The following CAST variants were observed in gnomAD, a reference collection of about 807,000 sequenced individuals.
CAST encodes the protein calpastatin.
CAST carries 76 observed loss-of-function variants against 119.6 expected under a neutral mutation model. The ratio of observed to expected loss-of-function variants is 0.64; its 90% CI spans 0.53 to 0.77. The LOEUF (loss-of-function observed/expected upper bound fraction) is 0.77. Ranked by LOEUF, CAST falls within the 30% of genes least tolerant of loss-of-function variation. The pLI, the probability that CAST is intolerant of heterozygous loss-of-function variation, is 0.00. For synonymous variants in CAST, 319 were observed against 331.6 expected, an observed-to-expected ratio of 0.96 and a Z score of 0.41; for missense variants, 953 against 946.5, an observed-to-expected ratio of 1.01 and a Z score of -0.09.
the CAST span, among the ~76,000 whole-genome samples, chr5:95,968,035 C>T: frequency 2.0e-5 from 3 of 152,110 alleles, no homozygotes; most frequent in Non-Finnish European, 2.9e-5. Context: ...TTTCCTTTTC[C>T]AAATCTCGCA....
intron 1 of CAST, among the ~76,000 whole-genome samples, chr5:96,589,473 C>A (rs933621220): frequency 6.6e-6 from 1 of 151,912 alleles, no homozygotes; most frequent in African/African-American, 2.4e-5. Flanking sequence ...GAACTCTTTC[C>A]CTCTTTTAAA....
chr5:96,149,648 A>G, the CAST span, among the ~76,000 whole-genome samples: 2 of 152,216 alleles, frequency 1.3e-5, no homozygotes, highest in Admixed American at 1.3e-4. Context: ...ATTTCTGAAT[A>G]TCACTGACCC....
chr5:96,765,635 C>T (rs1244737782), intron 26 of CAST, among the ~76,000 whole-genome samples: 2 of 152,004 alleles, frequency 1.3e-5, no homozygotes, highest in Non-Finnish European at 2.9e-5. Context: ...TTCAGGGTTG[C>T]TTATAAATAG....
At chr5:96,772,041 T>C (rs756924825) in intron 31 of CAST, 2 of 177,108 alleles carry the variant, frequency 1.1e-5, no homozygotes, top group Non-Finnish European at 2.4e-5. Flanking sequence ...AAAATTAGCA[T>C]GTTACAACTT....
the CAST span, among the ~76,000 whole-genome samples, chr5:96,282,080 C>A: frequency 6.6e-6 from 1 of 151,314 alleles, no homozygotes; most frequent in Admixed American, 6.6e-5. Context: ...ATGTGCTCAC[C>A]CCCGTGGTGG....
chr5:96,310,245 G>A, the CAST span, among the ~76,000 whole-genome samples: 2 of 152,168 alleles, frequency 1.3e-5, no homozygotes, highest in African/African-American at 4.8e-5. Context: ...ATTGGTTTGT[G>A]AGTGTTGAAT....
chr5:96,720,597 A>G (rs1758058170), intron 3 of CAST, among the ~76,000 whole-genome samples: 1 of 152,234 alleles, frequency 6.6e-6, no homozygotes. Context: ...TGCTGCCAAC[A>G]GGGGCCAAGG....
the CAST span, among the ~76,000 whole-genome samples, chr5:96,047,661 C>G: frequency 6.6e-6 from 1 of 152,120 alleles, no homozygotes; most frequent in South Asian, 2.1e-4. Flanking sequence ...TGAGTGTCTA[C>G]CGAATGTCAA....
the CAST span, among the ~76,000 whole-genome samples, chr5:96,440,997 G>A: frequency 1.3e-5 from 2 of 152,194 alleles, no homozygotes; most frequent in Non-Finnish European, 2.9e-5. Flanking sequence ...CCACTTATTA[G>A]CTGGGAACAT....
chr5:96,221,222 A>C, the CAST span, among the ~76,000 whole-genome samples: 1 of 151,882 alleles, frequency 6.6e-6, no homozygotes, highest in South Asian at 2.1e-4. Context: ...AAGGATCTCC[A>C]CTCTTACCAC....
the CAST span, among the ~76,000 whole-genome samples, chr5:96,049,032 C>T: frequency 6.6e-6 from 1 of 152,160 alleles, no homozygotes; most frequent in Admixed American, 6.5e-5. Context: ...AGCTGACATC[C>T]CCGGAGACCC....
In CAST at chr5:96,752,814, T is replaced by C. The variant is rs145379651; in HGVS notation, c.1525-1246T>C. Among the ~76,000 whole-genome samples, 487 of 152,138 alleles carry C rather than the reference T, an allele frequency of 3.2e-3. 8 individuals carry two copies. Among genetic ancestry groups the C allele is most frequent in the African/African-American group, 0.01 (431 of 41,488 alleles). On this transcript the variant is annotated intron_variant, in intron 20 of 31. Coordinates refer to ENST00000675179, the MANE Select transcript of CAST (RefSeq NM_001750.7). ...AGATTTTAATAATAAGATTAAACTC[T>C]GAGATTGTTTGACCCAAGGCCTTTT...
chr5:96,327,363 A>G, the CAST span, among the ~76,000 whole-genome samples: 1 of 152,198 alleles, frequency 6.6e-6, no homozygotes, highest in South Asian at 2.1e-4. Flanking sequence ...TCCCCAAGGG[A>G]TTCCTCCTTC....
At chr5:96,416,641 T>C in the CAST span, among the ~76,000 whole-genome samples, 1 of 152,118 alleles carries the variant, frequency 6.6e-6, no homozygotes, top group Admixed American at 6.6e-5. Context: ...TAAGCCCTCC[T>C]CCTCTCCTCT....
chr5:96,153,036 A>G, the CAST span, among the ~76,000 whole-genome samples: 2 of 152,238 alleles, frequency 1.3e-5, no homozygotes, highest in Non-Finnish European at 2.9e-5. Context: ...TCATATCTGA[A>G]TATCAGACCT....
At chr5:96,459,097 C>A in the CAST span, among the ~76,000 whole-genome samples, 1 of 152,080 alleles carries the variant, frequency 6.6e-6, no homozygotes, top group African/African-American at 2.4e-5. Flanking sequence ...TACAGTTTGT[C>A]CCCAGATCGA....
chr5:96,477,673 C>T, the CAST span, among the ~76,000 whole-genome samples: 1 of 152,186 alleles, frequency 6.6e-6, no homozygotes, highest in Non-Finnish European at 1.5e-5. Context: ...TTTTTCTCTA[C>T]TCATCATTAT....
the CAST span, among the ~76,000 whole-genome samples, chr5:96,267,128 G>A: frequency 6.6e-6 from 1 of 151,416 alleles, no homozygotes; most frequent in Non-Finnish European, 1.5e-5. Flanking sequence ...CAATCAAAGA[G>A]AAAAAATAAA....
chr5:96,730,929 T>A, intron 9 of CAST, 69 bp downstream of exon 9: 1 of 1,186,374 alleles, frequency 8.4e-7, no homozygotes, highest in Admixed American at 1.7e-5. Flanking sequence ...GAGAAACGTA[T>A]GCTCAAATAA....
Sources: gnomAD v4.1 joint callset for allele counts (sites outside exome capture counted in the v4.1 genomes callset) on GRCh38, gnomAD v4.1.1 for gene constraint, MANE v1.5 for transcripts, NCBI Gene and HGNC (gene_info 2026-07-23, HGNC 2026-07-21) for gene names.